Variants in SSH2 observed in about 807,000 individuals in gnomAD.
The protein encoded by SSH2 is slingshot protein phosphatase 2.
A neutral mutation model predicts 135.2 loss-of-function variants in SSH2; 37 were observed. That is an observed-to-expected ratio of 0.27 (90% CI 0.21 to 0.36). The LOEUF (loss-of-function observed/expected upper bound fraction) is 0.36, where lower values mean the gene tolerates loss of function less well. SSH2 is among the 10% of genes least tolerant of loss of function. The pLI is 1.00. For missense variants in SSH2, 1,408 were observed against 1,765.3 expected, an observed-to-expected ratio of 0.80 and a Z score of 3.63; for synonymous variants, 628 against 646.2, an observed-to-expected ratio of 0.97 and a Z score of 0.43.
In SSH2 at chr17:29,632,032, C is replaced by T. The variant is rs117922328; in HGVS notation, c.3162G>A (p.Gly1054=). ...TCTTCTCACTGGTGGCTATTTCACT[C>T]CCTGGCCCAGTGTGATTGGGTGATG... The part of the protein sequence containing the change: ...IVTSPNHTGP[G]SEIATSEKSG... Residue 1054 remains glycine (G), a synonymous_variant, in exon 16 of 16, where the codon GGG becomes GGA. Transcript: ENST00000540801. 4,309 of 1,614,222 alleles carry T rather than the reference C, an allele frequency of 2.7e-3. 11 individuals are homozygous for T. Among genetic ancestry groups the T allele is most frequent in the Admixed American group, 4.9e-3 (296 of 60,028 alleles).
intron 11 of SSH2, among the ~76,000 whole-genome samples, chr17:29,665,306 T>C (rs1265653953): frequency 6.6e-6 from 1 of 152,176 alleles, no homozygotes; most frequent in African/African-American, 2.4e-5. Context: ...TCAGTTAAAG[T>C]AATGGAAAAG....
chr17:29,741,026 C>T (rs909994418), intron 3 of SSH2, among the ~76,000 whole-genome samples: 1 of 152,156 alleles, frequency 6.6e-6, no homozygotes, highest in Non-Finnish European at 1.5e-5. Flanking sequence ...TATTGATGTA[C>T]TATTATTTCA....
At chr17:29,706,516 T>C (rs2039206243) in intron 3 of SSH2, among the ~76,000 whole-genome samples, 2 of 152,218 alleles carry the variant, frequency 1.3e-5, no homozygotes, top group Non-Finnish European at 2.9e-5. Flanking sequence ...GCCACCCTAC[T>C]GTGGGTCACT....
chr17:29,657,426 T>G (rs959538410), intron 11 of SSH2, among the ~76,000 whole-genome samples: 12 of 150,584 alleles, frequency 8.0e-5, no homozygotes, highest in African/African-American at 2.9e-4. Context: ...CCTGCCACCA[T>G]GCCCAGCTAA....
rs1389599586 is a variant in SSH2, at chr17:29,756,221, C to A, written c.188+37673G>T. ...CCAGGGGGCGGAGGTTGCGGTGAGC[C>A]CAGATCACTCCAGCCTGGGCAACAA... is the stretch of plus-strand genomic sequence containing the variant. On this transcript the variant is annotated intron_variant, in intron 3 of 15. Transcript: ENST00000540801. Among the ~76,000 whole-genome samples the A allele has an allele frequency of 2.0e-5, 3 of 150,620 alleles. 1 individual carries two copies. Among genetic ancestry groups the A allele is most frequent in the South Asian group, 4.2e-4 (2 of 4,764 alleles).
chr17:29,853,918 C>T (rs966679356), intron 1 of SSH2, among the ~76,000 whole-genome samples: 2 of 150,788 alleles, frequency 1.3e-5, no homozygotes, highest in Non-Finnish European at 2.9e-5. Context: ...CCAGCCTGCA[C>T]AACATAGCAA....
chr17:29,721,297 T>C (rs2039815069), intron 3 of SSH2, among the ~76,000 whole-genome samples: 2 of 145,002 alleles, frequency 1.4e-5, no homozygotes, highest in Non-Finnish European at 1.5e-5. Context: ...AGATTCATTA[T>C]ATATTTGCTC....
At chr17:29,812,437 C>A (rs1464515060) in intron 2 of SSH2, among the ~76,000 whole-genome samples, 1 of 152,142 alleles carries the variant, frequency 6.6e-6, no homozygotes, top group East Asian at 1.9e-4. Context: ...GCACATGCCA[C>A]CATGCTTGAC....
intron 9 of SSH2, 43 bp from the exon 10 acceptor site, chr17:29,667,266 A>C: frequency 8.0e-7 from 1 of 1,246,916 alleles, no homozygotes; most frequent in African/African-American, 1.5e-5. Context: ...CGATATTCTT[A>C]ATAACGATTA....
At chr17:29,641,162 C>T (rs1431471361) in intron 14 of SSH2, among the ~76,000 whole-genome samples, 7 of 152,164 alleles carry the variant, frequency 4.6e-5, no homozygotes, top group African/African-American at 7.2e-5. Flanking sequence ...CTGCCCGCCT[C>T]GGCCTCCCAA....
At chr17:29,901,290 A>G (rs2066548868) in intron 1 of SSH2, among the ~76,000 whole-genome samples, 1 of 152,182 alleles carries the variant, frequency 6.6e-6, no homozygotes, top group Non-Finnish European at 1.5e-5. Flanking sequence ...ATAAAAAAAA[A>G]ACAATGTTTT....
chr17:29,896,733 T>G (rs987959308), intron 1 of SSH2, among the ~76,000 whole-genome samples: 3 of 151,616 alleles, frequency 2.0e-5, no homozygotes, highest in Non-Finnish European at 3.0e-5. Flanking sequence ...GCCTACACAT[T>G]TAAATATTCA....
intron 2 of SSH2, among the ~76,000 whole-genome samples, chr17:29,817,272 T>G (rs1325425985): frequency 6.6e-6 from 1 of 152,158 alleles, no homozygotes; most frequent in Non-Finnish European, 1.5e-5. Context: ...CACTCTTACT[T>G]CCTTAAGGCT....
chr17:29,907,692 C>A (rs2066681225), intron 1 of SSH2, among the ~76,000 whole-genome samples: 1 of 152,206 alleles, frequency 6.6e-6, no homozygotes, highest in South Asian at 2.1e-4. Context: ...CAGTCCAGAG[C>A]CAAACTGGCT....
chr17:29,921,851 T>C (rs1410105397), intron 1 of SSH2, among the ~76,000 whole-genome samples: 1 of 152,120 alleles, frequency 6.6e-6, no homozygotes. Flanking sequence ...CCCAGCCCCA[T>C]GCGTCAAATA....
chr17:29,673,376 C>A (rs1016298405), intron 8 of SSH2, among the ~76,000 whole-genome samples: 3 of 151,970 alleles, frequency 2.0e-5, no homozygotes, highest in Admixed American at 6.6e-5. Context: ...TCGAGATCAG[C>A]CTAACCAACA....
chr17:29,747,290 T>C (rs891069874), intron 3 of SSH2, among the ~76,000 whole-genome samples: 15 of 152,246 alleles, frequency 9.9e-5, no homozygotes, highest in Non-Finnish European at 1.9e-4. Flanking sequence ...AGAAAGCTTA[T>C]AATTGGCTAA....
At chr17:29,716,791 A>G (rs2039639675) in intron 3 of SSH2, 3 of 414,942 alleles carry the variant, frequency 7.2e-6, no homozygotes, top group Non-Finnish European at 1.4e-5. Context: ...CTTGCCAGTC[A>G]ATTTTTCTAC....
intron 3 of SSH2, chr17:29,761,378 G>A (rs1478896625): frequency 5.6e-6 from 6 of 1,067,794 alleles, no homozygotes; most frequent in African/African-American, 3.5e-5. Context: ...CGGGCCCGCC[G>A]GGTCGCGCGG....
Sources: gnomAD v4.1 joint callset for allele counts (sites outside exome capture counted in the v4.1 genomes callset) on GRCh38, gnomAD v4.1.1 for gene constraint, MANE v1.5 for transcripts, NCBI Gene and HGNC (gene_info 2026-07-23, HGNC 2026-07-21) for gene names.